TOX: variants seen among roughly 807,000 people sequenced by gnomAD.
TOX encodes the protein thymocyte selection associated high mobility group box.
A neutral mutation model predicts 53.7 loss-of-function variants in TOX; 11 were observed. That is an observed-to-expected ratio of 0.20 (90% CI 0.13 to 0.34). TOX has a LOEUF of 0.34. TOX is among the 10% of genes least tolerant of loss of function. The pLI, the probability that TOX is intolerant of heterozygous loss-of-function variation, is 1.00. For synonymous variants in TOX, 225 were observed against 245.3 expected, an observed-to-expected ratio of 0.92 and a Z score of 0.77; for missense variants, 570 against 664.6, an observed-to-expected ratio of 0.86 and a Z score of 1.56.
chr8:58,872,271 G>T (rs1409707479), intron 3 of TOX, among the ~76,000 whole-genome samples: 1 of 151,976 alleles, frequency 6.6e-6, no homozygotes, highest in Admixed American at 6.6e-5. Flanking sequence ...ATACCCATGA[G>T]CACATTCTGA....
intron 3 of TOX, among the ~76,000 whole-genome samples, chr8:58,928,684 A>G (rs1812205552): frequency 6.6e-6 from 1 of 152,180 alleles, no homozygotes; most frequent in Non-Finnish European, 1.5e-5. Flanking sequence ...TCAAAATGCT[A>G]ATAATTTTGT....
At chr8:58,912,035 C>G (rs897678722) in intron 3 of TOX, among the ~76,000 whole-genome samples, 47 of 152,338 alleles carry the variant, frequency 3.1e-4, no homozygotes, top group Middle Eastern at 3.4e-3. Flanking sequence ...CCCGGCTCCA[C>G]CCCAGCCTTC....
At chr8:58,857,068 A>T (rs757169745) in intron 3 of TOX, among the ~76,000 whole-genome samples, 8 of 152,182 alleles carry the variant, frequency 5.3e-5, no homozygotes, top group Non-Finnish European at 1.2e-4. Flanking sequence ...TTATAGCCCT[A>T]GTATCTAGAA....
intron 3 of TOX, among the ~76,000 whole-genome samples, chr8:58,913,799 C>A (rs895788953): frequency 9.1e-6 from 1 of 110,204 alleles, no homozygotes; most frequent in East Asian, 3.2e-4. Context: ...ATATTTATTG[C>A]CGGATTTTTA....
chr8:58,907,881 T>A (rs774871916), intron 3 of TOX, among the ~76,000 whole-genome samples: 1 of 152,218 alleles, frequency 6.6e-6, no homozygotes, highest in East Asian at 1.9e-4. Context: ...CTCAATTCAT[T>A]GGGTTTTGTG....
At chr8:59,017,432 A>AG in intron 1 of TOX, among the ~76,000 whole-genome samples, 1 of 152,152 alleles carries the variant, frequency 6.6e-6, no homozygotes. Flanking sequence ...CATCCCCTGG[A>AG]GGGAAACAGC....
At chr8:59,067,037 A>G (rs1257203481) in intron 1 of TOX, among the ~76,000 whole-genome samples, 3 of 152,278 alleles carry the variant, frequency 2.0e-5, no homozygotes, top group East Asian at 1.9e-4. Context: ...GGTTTTGTGA[A>G]ATACTGAGTT....
chr8:58,971,182 A>G (rs1305852173), intron 1 of TOX, among the ~76,000 whole-genome samples: 1 of 152,224 alleles, frequency 6.6e-6, no homozygotes, highest in East Asian at 1.9e-4. Context: ...TTATGCCAAA[A>G]GCAAACTGCG....
At chr8:58,831,533 TTTTACCTAATA>T (rs1810454265) in intron 5 of TOX, among the ~76,000 whole-genome samples, 1 of 152,178 alleles carries the variant, frequency 6.6e-6, no homozygotes, top group Non-Finnish European at 1.5e-5. Context: ...TGGGTAATTA[TTTTACCTAATA>T]TATTAGAACA....
rs1378219806 is a variant in TOX at position 58,865,542 on chromosome 8, AT to A, written c.412-13738del. On this transcript the variant is annotated intron_variant, in intron 3 of 8. Coordinates refer to ENST00000361421, the MANE Select transcript of TOX (RefSeq NM_014729.3). ...TCTTGAAAGGATTTCAAGAGAATAA[AT>A]TTTCCCCTCAATTATAATTGTGAAG... 3.9e-5 allele frequency among the ~76,000 whole-genome samples: 6 copies of A among 152,150 alleles called. No homozygotes were observed. In the East Asian group the frequency reaches 1.2e-3, roughly 29 times the overall value.
chr8:58,971,930 A>G (rs1813010213), intron 1 of TOX, among the ~76,000 whole-genome samples: 1 of 152,176 alleles, frequency 6.6e-6, no homozygotes, highest in Non-Finnish European at 1.5e-5. Context: ...ACCTTAGGTG[A>G]TCCACCTGCC....
chr8:59,003,554 A>C (rs899565977), intron 1 of TOX, among the ~76,000 whole-genome samples: 1 of 152,168 alleles, frequency 6.6e-6, no homozygotes, highest in Non-Finnish European at 1.5e-5. Flanking sequence ...AGACGGGGGG[A>C]AAAGGAATGA....
Position 58,806,852 on chromosome 8 carries a change from T to C in TOX, c.*895A>G, listed in dbSNP as rs79192394. The C allele has an allele frequency of 0.02, 3,128 of 152,702 alleles. 61 individuals are homozygous for C. The highest frequency in any genetic ancestry group is 0.08 in the East Asian group (414 of 5,192). The allele number at this position is 152,702 out of a possible 1,614,324, so 9.5% of individuals were successfully genotyped here. On this transcript the variant is annotated 3_prime_UTR_variant, in exon 9 of 9. Transcript: ENST00000361421. Reference sequence around the variant, plus strand: ...ACAGGTTCCATAAAAAAAGATTAAATACAGACACAGTATGAAGAAACAATA... The same window carrying C: ...ACAGGTTCCATAAAAAAAGATTAAACACAGACACAGTATGAAGAAACAATA...
At chr8:58,998,519 A>AATATAAATT (rs1304925640) in intron 1 of TOX, among the ~76,000 whole-genome samples, 3 of 120,962 alleles carry the variant, frequency 2.5e-5, no homozygotes, top group African/African-American at 1.0e-4. Flanking sequence ...ATATATATAT[A>AATATAAATT]TATATATATA....
intron 1 of TOX, among the ~76,000 whole-genome samples, chr8:59,098,667 A>T (rs1312665635): frequency 6.6e-6 from 1 of 152,126 alleles, no homozygotes; most frequent in Non-Finnish European, 1.5e-5. Flanking sequence ...AGGACAGGAA[A>T]CTGTTTTAAT....
At chr8:59,050,454 C>T (rs78057611) in intron 1 of TOX, among the ~76,000 whole-genome samples, 3,540 of 152,166 alleles carry the variant, frequency 0.023, 120 homozygotes, top group East Asian at 0.11. Context: ...CGTTTTATTT[C>T]TTTGATCTAG....
At chr8:59,091,903 C>A (rs1267819176) in intron 1 of TOX, among the ~76,000 whole-genome samples, 1 of 152,096 alleles carries the variant, frequency 6.6e-6, no homozygotes, top group Non-Finnish European at 1.5e-5. Flanking sequence ...TAGGAATCCT[C>A]TTTTTCCATC....
intron 1 of TOX, among the ~76,000 whole-genome samples, chr8:58,976,516 T>C (rs10957075): frequency 0.95 from 144,280 of 152,310 alleles, 68,404 homozygotes; most frequent in East Asian, 1. Context: ...CTTCAAACTC[T>C]TGTTAATGTG....
At chr8:59,099,473 G>A (rs991377789) in intron 1 of TOX, among the ~76,000 whole-genome samples, 11 of 152,030 alleles carry the variant, frequency 7.2e-5, no homozygotes, top group East Asian at 3.8e-4. Context: ...GAATAATTAC[G>A]TTGTTTAAAA....
Sources: allele counts gnomAD v4.1 joint callset (sites outside exome capture counted in the v4.1 genomes callset), GRCh38; gene constraint gnomAD v4.1.1; transcripts MANE v1.5; gene names NCBI Gene and HGNC (gene_info 2026-07-23, HGNC 2026-07-21).